UBAC2: variants seen among roughly 807,000 people sequenced by gnomAD.
UBAC2 encodes the protein ubiquitin-associated domain-containing protein 2.
Under a neutral mutation model 44.0 loss-of-function variants are expected in UBAC2, and 26 were observed. That is an observed-to-expected ratio of 0.59 (90% confidence interval 0.43 to 0.82). The LOEUF (loss-of-function observed/expected upper bound fraction) is 0.82. Among genes scored for constraint, UBAC2 ranks in the 40% least tolerant of loss-of-function variants. The probability of loss-of-function intolerance (pLI) is 0.00; values close to 1 mark genes in which losing one functional copy is unlikely to be tolerated. For synonymous variants in UBAC2, 155 were observed against 154.3 expected, an observed-to-expected ratio of 1.00 and a Z score of -0.04; for missense variants, 329 against 419.4, an observed-to-expected ratio of 0.78 and a Z score of 1.88.
chr13:99,234,332 C>T (rs369475888), intron 1 of UBAC2: 7 of 332,962 alleles, frequency 2.1e-5, no homozygotes, highest in Non-Finnish European at 4.4e-5. Context: ...GGATTATAGG[C>T]GCTTGCCACC....
chr13:99,378,724 A>G (rs2045513910), intron 8 of UBAC2, among the ~76,000 whole-genome samples: 1 of 152,224 alleles, frequency 6.6e-6, no homozygotes, highest in South Asian at 2.1e-4. Context: ...AGGCTTGCAT[A>G]GCTGTGTTCT....
At chr13:99,336,696 G>A (rs1162581951) in intron 6 of UBAC2, among the ~76,000 whole-genome samples, 1 of 152,150 alleles carries the variant, frequency 6.6e-6, no homozygotes, top group African/African-American at 2.4e-5. Flanking sequence ...AAACTTTATA[G>A]TATGTCTTGA....
rs572780975 is a variant in UBAC2 at position 99,254,712 on chromosome 13, C to T, written c.389+10088C>T. ...GGAAAGAAAAATCAGATGCTTTTCT[C>T]TGAATAATTCACAAAAATGTTTTAT... On this transcript the variant is annotated intron_variant, in intron 4 of 8. Transcript: ENST00000403766. The T allele has an allele frequency of 2.9e-3, 1,746 of 592,010 alleles. 13 individuals carry two copies. The highest frequency in any genetic ancestry group is 9.7e-3 in the South Asian group (380 of 39,034). The allele number at this position is 592,010 out of a possible 1,614,324, so 36.7% of individuals were successfully genotyped here. A position where few individuals can be genotyped will look rare whatever the true frequency, so the allele number is the denominator to read the frequency against.
intron 4 of UBAC2, among the ~76,000 whole-genome samples, chr13:99,296,854 AG>A: frequency 6.6e-6 from 1 of 152,338 alleles, no homozygotes; most frequent in East Asian, 1.9e-4. Flanking sequence ...AGCTACTTCA[AG>A]GGGAAATTAT....
In UBAC2 at chr13:99,295,056, C is replaced by G; in HGVS notation, c.390-19041C>G. ...CGTCACTATAAACCAAAATACAATC[C>G]ATTTCACTTTCCATTTGAAGACTTG... On this transcript the variant is annotated intron_variant, in intron 4 of 8. Transcript: ENST00000403766. The surrounding 1 kb of genome is among the most constrained non-coding windows in gnomAD (Gnocchi z 4.1). 1 of 1,611,472 alleles carries G rather than the reference C, an allele frequency of 6.2e-7. No homozygotes were observed. The highest frequency in any genetic ancestry group is 8.5e-7 in the Non-Finnish European group (1 of 1,178,686).
At chr13:99,311,125 G>A (rs2044406437) in intron 4 of UBAC2, among the ~76,000 whole-genome samples, 1 of 152,188 alleles carries the variant, frequency 6.6e-6, no homozygotes, top group African/African-American at 2.4e-5. Flanking sequence ...TCTATGCCAG[G>A]CACAATTCTA....
intron 4 of UBAC2, among the ~76,000 whole-genome samples, chr13:99,248,492 A>G (rs527462872): frequency 5.1e-4 from 77 of 151,700 alleles, no homozygotes; most frequent in Admixed American, 3.7e-3. Flanking sequence ...CCCTGGTTCA[A>G]GCGATTCTTC....
chr13:99,244,424 T>A (rs1011002023), intron 3 of UBAC2, 91 bp from the exon 4 acceptor site: 4 of 840,818 alleles, frequency 4.8e-6, no homozygotes, highest in East Asian at 2.6e-5. Flanking sequence ...TACATATGAA[T>A]ACACACCTCT....
intron 8 of UBAC2, among the ~76,000 whole-genome samples, chr13:99,370,559 C>A (rs982821684): frequency 6.6e-6 from 1 of 152,222 alleles, no homozygotes; most frequent in Non-Finnish European, 1.5e-5. Context: ...TCCACGCCAT[C>A]GCCTCCCCAT....
chr13:99,343,950 T>C (rs2044933007), intron 7 of UBAC2, among the ~76,000 whole-genome samples: 1 of 152,222 alleles, frequency 6.6e-6, no homozygotes, highest in South Asian at 2.1e-4. Context: ...GTGCTTATTA[T>C]ATGGTAGGCC....
At chr13:99,343,621 G>T (rs1028423319) in intron 7 of UBAC2, among the ~76,000 whole-genome samples, 1 of 152,222 alleles carries the variant, frequency 6.6e-6, no homozygotes, top group Non-Finnish European at 1.5e-5. Flanking sequence ...CTTTTACGTT[G>T]AGTGGTCTGC....
chr13:99,239,278 C>T (rs781096275), intron 2 of UBAC2, among the ~76,000 whole-genome samples: 3 of 152,056 alleles, frequency 2.0e-5, no homozygotes, highest in Non-Finnish European at 4.4e-5. Flanking sequence ...GTTATTTATC[C>T]GTATTACTGA....
chr13:99,282,980 A>G (rs1470720204), intron 4 of UBAC2, among the ~76,000 whole-genome samples: 1 of 152,222 alleles, frequency 6.6e-6, no homozygotes, highest in African/African-American at 2.4e-5. Flanking sequence ...CAGTTACAAG[A>G]GAATAGGCAT....
chr13:99,295,051 C>A lies in UBAC2; in HGVS notation c.390-19046C>A, dbSNP rs1463792498. ...GTTTACGTCACTATAAACCAAAATA[C>A]AATCCATTTCACTTTCCATTTGAAG... On this transcript the variant is annotated intron_variant, in intron 4 of 8. Coordinates refer to ENST00000403766, the MANE Select transcript of UBAC2 (RefSeq NM_001144072.2). This position sits in a 1 kb window ranked among gnomAD's most constrained non-coding sequence, Gnocchi z 4.1. The A allele has an allele frequency of 1.9e-6, 3 of 1,609,510 alleles. No individual in the cohort carries two copies. Among genetic ancestry groups the A allele is most frequent in the Non-Finnish European group, 2.5e-6 (3 of 1,177,772 alleles).
chr13:99,287,912 C>T (rs1212549649), intron 4 of UBAC2, among the ~76,000 whole-genome samples: 1 of 152,152 alleles, frequency 6.6e-6, no homozygotes, highest in Non-Finnish European at 1.5e-5. Flanking sequence ...TCATTACTCT[C>T]TTGAACATAT....
At position 99,313,969 on chromosome 13, in the gene UBAC2, A is replaced by C. The variant is rs1706284410; in HGVS notation, c.390-128A>C. The C allele has an allele frequency of 3.6e-6, 3 of 824,170 alleles. No individual in the cohort carries two copies. The Admixed American group carries it at 8.5e-5, about 23-fold the overall frequency. 51.1% of individuals were successfully genotyped at this position (824,170 alleles called of 1,614,324 possible). ...TGGACATGAATCATATTTGAAAATCAATATGTATATCTAAGACCATGCTTT... is the reference window on the plus strand; with the variant it reads ...TGGACATGAATCATATTTGAAAATCCATATGTATATCTAAGACCATGCTTT... On this transcript the variant is annotated intron_variant, in intron 4 of 8. Coordinates refer to ENST00000403766, the MANE Select transcript of UBAC2 (RefSeq NM_001144072.2).
At chr13:99,298,101 G>A (rs2044203271) in intron 4 of UBAC2, among the ~76,000 whole-genome samples, 1 of 152,082 alleles carries the variant, frequency 6.6e-6, no homozygotes, top group Non-Finnish European at 1.5e-5. Flanking sequence ...GGAGAAATTG[G>A]CAAATTCACA....
At position 99,261,385 on chromosome 13, in the gene UBAC2, T is replaced by C. The variant is rs149700571; in HGVS notation, c.389+16761T>C. On this transcript the variant is annotated intron_variant, in intron 4 of 8. Coordinates refer to ENST00000403766, the MANE Select transcript of UBAC2 (RefSeq NM_001144072.2). Reference sequence around the variant, plus strand: ...TTTGGGTGTGGGTGTAGGGGAGATATGTTGAATAGTAAGAGTTTCTGCATA... The same window carrying C: ...TTTGGGTGTGGGTGTAGGGGAGATACGTTGAATAGTAAGAGTTTCTGCATA... 2.9e-3 allele frequency among the ~76,000 whole-genome samples: 444 copies of C among 152,344 alleles called. 2 individuals are homozygous for C. The highest frequency in any genetic ancestry group is 0.01 in the African/African-American group (430 of 41,572).
chr13:99,216,074 A>G (rs969046037), intron 1 of UBAC2, among the ~76,000 whole-genome samples: 4 of 122,318 alleles, frequency 3.3e-5, no homozygotes, highest in Non-Finnish European at 5.3e-5. Context: ...TTTTGTACCA[A>G]CCTATATTTG....
Sources: gnomAD v4.1 joint callset for allele counts (sites outside exome capture counted in the v4.1 genomes callset) on GRCh38, gnomAD v4.1.1 for gene constraint, Gnocchi (gnomAD v3.1) non-coding constraint, MANE v1.5 for transcripts, NCBI Gene and HGNC (gene_info 2026-07-23, HGNC 2026-07-21) for gene names.